Variants in TRIO observed in about 807,000 individuals in gnomAD.
The protein encoded by TRIO is triple functional domain protein.
In TRIO, 58 loss-of-function variants were observed where a neutral mutation model predicts 351.9. The ratio of observed to expected loss-of-function variants is 0.16; its 90% CI spans 0.13 to 0.21. TRIO has a LOEUF of 0.21. Among genes scored for constraint, TRIO ranks in the 10% least tolerant of loss-of-function variants. TRIO has a pLI of 1.00. For synonymous variants in TRIO, 1,758 were observed against 1,595.7 expected, an observed-to-expected ratio of 1.10 and a Z score of -2.42; for missense variants, 3,201 against 4,027.8, an observed-to-expected ratio of 0.79 and a Z score of 5.56.
rs959445262 is a variant in TRIO at position 14,286,261 on chromosome 5, A to C, written c.348-610A>C. Among the ~76,000 whole-genome samples, 5 of 152,180 alleles carry C rather than the reference A, an allele frequency of 3.3e-5. No homozygotes were observed. Among genetic ancestry groups the C allele is most frequent in the Admixed American group, 6.5e-5 (1 of 15,282 alleles). On this transcript the variant is annotated intron_variant, in intron 3 of 56. Coordinates refer to ENST00000344204, the MANE Select transcript of TRIO (RefSeq NM_007118.4). The surrounding 1 kb of genome is among the most constrained non-coding windows in gnomAD (Gnocchi z 4.4). ...CAGAGCCTGCCAGAAGGGTGCCAAG[A>C]ACTCCCAGGGACGGGTGGATGGTAT... is the stretch of plus-strand genomic sequence containing the variant.
intron 18 of TRIO, among the ~76,000 whole-genome samples, chr5:14,370,195 A>G (rs1164313572): frequency 1.3e-5 from 2 of 150,556 alleles, no homozygotes; most frequent in South Asian, 2.1e-4. Context: ...TGCAGTCACA[A>G]CTCTCTGAAG....
At chr5:14,209,379 C>T (rs1219042049) in intron 1 of TRIO, among the ~76,000 whole-genome samples, 1 of 152,148 alleles carries the variant, frequency 6.6e-6, no homozygotes, top group Non-Finnish European at 1.5e-5. Flanking sequence ...TGGGTGATGC[C>T]ACCCGTGAGC....
At chr5:14,467,244 G>A (rs971644964) in intron 37 of TRIO, among the ~76,000 whole-genome samples, 1 of 152,152 alleles carries the variant, frequency 6.6e-6, no homozygotes, top group African/African-American at 2.4e-5. Context: ...CTTCTTTAAA[G>A]TTAGAAGTTT....
At chr5:14,285,319 G>T (rs1020209927) in intron 3 of TRIO, among the ~76,000 whole-genome samples, 1 of 152,000 alleles carries the variant, frequency 6.6e-6, no homozygotes, top group Non-Finnish European at 1.5e-5. Flanking sequence ...TCTCCTCCTG[G>T]CTTTAGACAC....
chr5:14,400,838 A>G (rs1232032800), intron 30 of TRIO, 125 bp from the exon 31 acceptor site: 54 of 750,062 alleles, frequency 7.2e-5, no homozygotes, highest in East Asian at 8.2e-5. Flanking sequence ...GACAGCTGAG[A>G]TCACTAGTGA....
intron 23 of TRIO, among the ~76,000 whole-genome samples, chr5:14,388,358 C>T (rs1746735242): frequency 6.6e-6 from 1 of 152,186 alleles, no homozygotes; most frequent in Admixed American, 6.5e-5. Flanking sequence ...AGCAGAGTTA[C>T]CTGGCCCCAG....
At chr5:14,403,595 A>G (rs1579553759) in intron 31 of TRIO, among the ~76,000 whole-genome samples, 1 of 58,724 alleles carries the variant, frequency 1.7e-5, no homozygotes. Context: ...TGTGGTGGTG[A>G]GGGTGCAGGT....
intron 34 of TRIO, among the ~76,000 whole-genome samples, chr5:14,423,030 C>T (rs998659652): frequency 2.0e-5 from 3 of 152,212 alleles, no homozygotes; most frequent in Non-Finnish European, 2.9e-5. Flanking sequence ...TCCTTTGGGC[C>T]GGCCAGCCTT....
intron 13 of TRIO, 51 bp downstream of exon 13, chr5:14,359,582 C>T: frequency 7.5e-6 from 12 of 1,594,040 alleles, no homozygotes; most frequent in Non-Finnish European, 1.0e-5. Context: ...CCTTGGCTTC[C>T]TCCACAGCAC....
At chr5:14,241,993 G>A in intron 1 of TRIO, among the ~76,000 whole-genome samples, 1 of 152,186 alleles carries the variant, frequency 6.6e-6, no homozygotes, top group Admixed American at 6.5e-5. Context: ...GTCACTAATG[G>A]TGTTTGCCAT....
At chr5:14,453,375 AAAGTGAT>A (rs1385419415) in intron 34 of TRIO, among the ~76,000 whole-genome samples, 1 of 152,182 alleles carries the variant, frequency 6.6e-6, no homozygotes, top group Admixed American at 6.5e-5. Flanking sequence ...CTTCATATTA[AAAGTGAT>A]TTTTAGTACA....
At chr5:14,236,331 T>C (rs354287) in intron 1 of TRIO, among the ~76,000 whole-genome samples, 124,820 of 152,022 alleles carry the variant, frequency 0.82, 51,412 homozygotes, top group East Asian at 0.98. Flanking sequence ...AAATCTTAAA[T>C]GTTCCTTTTT....
intron 31 of TRIO, among the ~76,000 whole-genome samples, chr5:14,404,148 G>A (rs1161085372): frequency 6.6e-6 from 1 of 151,850 alleles, no homozygotes; most frequent in East Asian, 1.9e-4. Context: ...GTGTGCTTAT[G>A]GTGGTAGAGA....
chr5:14,488,455 G>A, intron 48 of TRIO, 195 bp downstream of exon 48: 1 of 755,920 alleles, frequency 1.3e-6, no homozygotes, highest in Non-Finnish European at 2.0e-6. Flanking sequence ...CTTTGTTCGT[G>A]TCTTCTAATA....
At chr5:14,171,820 A>G (rs963861242) in intron 1 of TRIO, among the ~76,000 whole-genome samples, 5 of 152,156 alleles carry the variant, frequency 3.3e-5, no homozygotes, top group African/African-American at 4.8e-5. Context: ...ATGTGGACCT[A>G]GAGTAGCCTT....
At chr5:14,489,520 C>T (rs557817093) in intron 48 of TRIO, among the ~76,000 whole-genome samples, 6 of 152,190 alleles carry the variant, frequency 3.9e-5, no homozygotes, top group Non-Finnish European at 7.3e-5. Context: ...CCCGTCAGCA[C>T]TTAGTTGGAT....
intron 11 of TRIO, among the ~76,000 whole-genome samples, chr5:14,350,604 G>A (rs1204388014): frequency 5.3e-5 from 8 of 152,096 alleles, no homozygotes; most frequent in Admixed American, 2.6e-4. Context: ...TCTACCCTCT[G>A]GTGCTGGAGT....
chr5:14,276,281 T>G (rs1735511620), intron 2 of TRIO, among the ~76,000 whole-genome samples: 1 of 152,236 alleles, frequency 6.6e-6, no homozygotes. Context: ...TGGCAGGGAC[T>G]GACTGAGAGT....
intron 48 of TRIO, chr5:14,488,901 T>C (rs774991231): frequency 4.0e-6 from 3 of 753,866 alleles, no homozygotes; most frequent in Non-Finnish European, 7.3e-6. Flanking sequence ...GGCCGGTCCC[T>C]GCGGCCTGCT....
Sources: allele counts gnomAD v4.1 joint callset (sites outside exome capture counted in the v4.1 genomes callset), GRCh38; gene constraint gnomAD v4.1.1; non-coding constraint Gnocchi (gnomAD v3.1); transcripts MANE v1.5; gene names NCBI Gene and HGNC (gene_info 2026-07-23, HGNC 2026-07-21).